Variants in LINGO2 observed in about 807,000 individuals in gnomAD.
The protein encoded by LINGO2 is leucine rich repeat and Ig domain containing 2, also known as leucine-rich repeat and immunoglobulin-like domain-containing nogo receptor-interacting protein 2.
A neutral mutation model predicts 30.6 loss-of-function variants in LINGO2; 14 were observed. That is an observed-to-expected ratio of 0.46 (90% CI 0.30 to 0.72). The LOEUF (loss-of-function observed/expected upper bound fraction) is 0.72. LINGO2 is among the 30% of genes least tolerant of loss of function. LINGO2 has a pLI of 0.07. For synonymous variants in LINGO2, 317 were observed against 288.5 expected (o/e 1.10, Z -1.00); for missense variants, 729 against 751.7 (o/e 0.97, Z 0.35).
At chr9:28,568,199 CA>C (rs1249082475) in intron 1 of LINGO2, among the ~76,000 whole-genome samples, 2 of 151,724 alleles carry the variant, frequency 1.3e-5, no homozygotes, top group African/African-American at 2.4e-5. Context: ...GCCACTGGAG[CA>C]AAAAAATCTG....
chr9:28,389,627 C>T lies in LINGO2; in HGVS notation c.-278-16759G>A, dbSNP rs577338507. ...CAGTCAGCCCCACTTAGTGTTGCAT[C>T]ACCCTGCAGGGAGCCTCATCATCTT... On this transcript the variant is annotated intron_variant, in intron 2 of 5. Coordinates refer to ENST00000379992, the Ensembl canonical transcript of LINGO2. Among the ~76,000 whole-genome samples the T allele has an allele frequency of 2.0e-5, 3 of 152,282 alleles. No individual in the cohort carries two copies. In the South Asian group the frequency reaches 6.2e-4, roughly 32 times the overall value.
the LINGO2 span, among the ~76,000 whole-genome samples, chr9:29,016,771 T>A: frequency 6.6e-6 from 1 of 152,178 alleles, no homozygotes; most frequent in Non-Finnish European, 1.5e-5. Flanking sequence ...GTAAATGAAA[T>A]GCTTCTTGTT....
chr9:29,005,061 A>G, the LINGO2 span, among the ~76,000 whole-genome samples: 1 of 151,986 alleles, frequency 6.6e-6, no homozygotes, highest in African/African-American at 2.4e-5. Flanking sequence ...GGTAAGCTCT[A>G]CCTATGTGTT....
At chr9:29,072,573 C>G in the LINGO2 span, among the ~76,000 whole-genome samples, 2 of 142,512 alleles carry the variant, frequency 1.4e-5, no homozygotes, top group African/African-American at 5.1e-5. Context: ...TCTCAAGGAT[C>G]CTAATAATTA....
the LINGO2 span, among the ~76,000 whole-genome samples, chr9:28,934,795 C>T: frequency 6.6e-6 from 1 of 152,090 alleles, no homozygotes; most frequent in South Asian, 2.1e-4. Flanking sequence ...TCTAAAATTG[C>T]TTCAATTTCC....
chr9:28,251,082 T>C (rs962119419), intron 4 of LINGO2, among the ~76,000 whole-genome samples: 2 of 152,146 alleles, frequency 1.3e-5, no homozygotes, highest in African/African-American at 4.8e-5. Flanking sequence ...TTTTCCTTAA[T>C]GTAAAATGGA....
the LINGO2 span, among the ~76,000 whole-genome samples, chr9:28,721,834 T>A: frequency 4.0e-5 from 6 of 151,808 alleles, no homozygotes; most frequent in East Asian, 7.8e-4. Context: ...AAAAAAAAAA[T>A]TAAAAACATG....
At chr9:28,168,906 A>T (rs547820004) in intron 4 of LINGO2, among the ~76,000 whole-genome samples, 7 of 152,214 alleles carry the variant, frequency 4.6e-5, no homozygotes, top group Non-Finnish European at 8.8e-5. Flanking sequence ...TCCTTCATAC[A>T]TCTTTCAGTA....
At chr9:28,298,767 G>C (rs1042110584) in intron 3 of LINGO2, among the ~76,000 whole-genome samples, 27 of 151,058 alleles carry the variant, frequency 1.8e-4, no homozygotes, top group Non-Finnish European at 4.0e-4. Context: ...GTTCTAAAAT[G>C]AATTTTTGAC....
At chr9:27,982,341 T>A (rs190209401) in intron 5 of LINGO2, among the ~76,000 whole-genome samples, 2 of 151,958 alleles carry the variant, frequency 1.3e-5, no homozygotes, top group African/African-American at 4.8e-5. Flanking sequence ...AAATGAAGTA[T>A]ACTTCAGAAG....
chr9:28,739,647 TTG>T, the LINGO2 span, among the ~76,000 whole-genome samples: 1 of 151,788 alleles, frequency 6.6e-6, no homozygotes, highest in Non-Finnish European at 1.5e-5. Flanking sequence ...ATATACCACT[TTG>T]TCAGTATAAA....
At chr9:28,286,329 G>T (rs1823506933) in intron 4 of LINGO2, among the ~76,000 whole-genome samples, 4 of 152,122 alleles carry the variant, frequency 2.6e-5, no homozygotes, top group Non-Finnish European at 5.9e-5. Context: ...GCAAGGTTGT[G>T]GAGAAAAAGG....
chr9:29,080,471 C>T, the LINGO2 span, among the ~76,000 whole-genome samples: 1 of 151,848 alleles, frequency 6.6e-6, no homozygotes, highest in African/African-American at 2.4e-5. Flanking sequence ...TTAGTTATTT[C>T]TTGCCTTCTG....
At chr9:29,178,552 C>CA in the LINGO2 span, among the ~76,000 whole-genome samples, 2 of 150,896 alleles carry the variant, frequency 1.3e-5, no homozygotes, top group Admixed American at 6.6e-5. Flanking sequence ...TATACTGTAG[C>CA]AAAAAAAAGA....
At chr9:28,912,162 A>G in the LINGO2 span, among the ~76,000 whole-genome samples, 56 of 152,124 alleles carry the variant, frequency 3.7e-4, no homozygotes, top group African/African-American at 1.3e-3. Flanking sequence ...TTAACTCCAG[A>G]TCGTTATAAT....
rs111262526 is a variant in LINGO2 at position 28,083,196 on chromosome 9, G to T, written c.-86-70791C>A. Among the ~76,000 whole-genome samples, 853 of 152,302 alleles carry T rather than the reference G, an allele frequency of 5.6e-3. 15 individuals are homozygous for T. The highest frequency in any genetic ancestry group is 0.02 in the African/African-American group (814 of 41,582). ...TAGGACCTGCTTTTGGTGAGCACAA[G>T]GACATCCCTGTGGGCAGGAAGCCTG... On this transcript the variant is annotated intron_variant, in intron 4 of 5. Coordinates refer to ENST00000379992, the Ensembl canonical transcript of LINGO2.
the LINGO2 span, among the ~76,000 whole-genome samples, chr9:28,757,178 C>T: frequency 1.3e-5 from 2 of 152,014 alleles, no homozygotes; most frequent in Admixed American, 1.3e-4. Context: ...ATAAGATACA[C>T]TTAAATCATG....
chr9:28,739,538 C>T, the LINGO2 span, among the ~76,000 whole-genome samples: 1 of 151,644 alleles, frequency 6.6e-6, no homozygotes, highest in African/African-American at 2.4e-5. Flanking sequence ...AATAATACAA[C>T]AGGAAGAACA....
chr9:28,418,499 G>A (rs1011655560), intron 2 of LINGO2, among the ~76,000 whole-genome samples: 15 of 151,990 alleles, frequency 9.9e-5, no homozygotes, highest in African/African-American at 3.1e-4. Context: ...GGCTGGTCTC[G>A]AACTCCTGAT....
Sources: allele counts gnomAD v4.1 joint callset (sites outside exome capture counted in the v4.1 genomes callset), GRCh38; gene constraint gnomAD v4.1.1; transcripts MANE v1.5; gene names NCBI Gene and HGNC (gene_info 2026-07-23, HGNC 2026-07-21).